CUX2: variants seen among roughly 807,000 people sequenced by gnomAD.
The protein encoded by CUX2 is homeobox protein cut-like 2.
Under a neutral mutation model 144.8 loss-of-function variants are expected in CUX2, and 40 were observed. That is an observed-to-expected ratio of 0.28 (90% CI 0.21 to 0.36). The LOEUF is 0.36. CUX2 is among the 10% of genes least tolerant of loss of function. The pLI, the probability that CUX2 is intolerant of heterozygous loss-of-function variation, is 1.00. For synonymous variants in CUX2, 827 were observed against 875.6 expected, an observed-to-expected ratio of 0.94 and a Z score of 0.98; for missense variants, 1,615 against 1,994.0, an observed-to-expected ratio of 0.81 and a Z score of 3.62.
rs115691516 is a variant in CUX2 at position 111,072,788 on chromosome 12, C to A, written c.63+38548C>A. Among the ~76,000 whole-genome samples, 1,073 of 152,344 alleles carry A rather than the reference C, an allele frequency of 7.0e-3. 14 individuals are homozygous for A. Among genetic ancestry groups the A allele is most frequent in the African/African-American group, 0.024 (1,006 of 41,586 alleles). On this transcript the variant is annotated intron_variant, in intron 1 of 21. Coordinates refer to ENST00000261726, the MANE Select transcript of CUX2 (RefSeq NM_015267.4). ...CCCAGCCCCATCAAGGCAGGGAGCC[C>A]TTTGAGGGCAGGGACCCCTCCCCCA...
chr12:111,090,663 G>T (rs1333622648), intron 1 of CUX2, among the ~76,000 whole-genome samples: 1 of 152,022 alleles, frequency 6.6e-6, no homozygotes, highest in African/African-American at 2.4e-5. Flanking sequence ...AGGGTCAAAT[G>T]ATATCCTCCC....
intron 1 of CUX2, among the ~76,000 whole-genome samples, chr12:111,089,264 T>C (rs1872420548): frequency 6.6e-6 from 1 of 152,244 alleles, no homozygotes; most frequent in Non-Finnish European, 1.5e-5. Flanking sequence ...GATTGAGTCT[T>C]GGCTCTGTAG....
chr12:111,265,427 C>T lies in CUX2; in HGVS notation c.301+1588C>T, dbSNP rs570208068. ...CGCGATCTCAGCTCACTGCAACCTC[C>T]GCCTCCCGGGTTCAAGCAATTCTCC... is the stretch of plus-strand genomic sequence containing the variant. On this transcript the variant is annotated intron_variant, in intron 4 of 21. Coordinates refer to ENST00000261726, the MANE Select transcript of CUX2 (RefSeq NM_015267.4). Among the ~76,000 whole-genome samples the T allele has an allele frequency of 2.0e-3, 306 of 151,750 alleles. 3 individuals carry two copies. Among genetic ancestry groups the T allele is most frequent in the African/African-American group, 7.1e-3 (292 of 41,358 alleles).
intron 1 of CUX2, among the ~76,000 whole-genome samples, chr12:111,044,858 G>A (rs373899263): frequency 5.3e-5 from 8 of 152,276 alleles, no homozygotes; most frequent in African/African-American, 1.4e-4. Context: ...ATTGGGCACC[G>A]GCCTCAGGCC....
At chr12:111,067,621 G>A (rs543570635) in intron 1 of CUX2, among the ~76,000 whole-genome samples, 1 of 152,338 alleles carries the variant, frequency 6.6e-6, no homozygotes, top group East Asian at 1.9e-4. Context: ...CCCATGGAAG[G>A]TTCCGGGAAC....
At chr12:111,069,916 AGAT>A (rs1270472318) in intron 1 of CUX2, among the ~76,000 whole-genome samples, 1 of 152,138 alleles carries the variant, frequency 6.6e-6, no homozygotes, top group Non-Finnish European at 1.5e-5. Flanking sequence ...GTGTGCTTCT[AGAT>A]GATACCTGTG....
chr12:111,231,254 A>G (rs931040643), intron 3 of CUX2, among the ~76,000 whole-genome samples: 2 of 151,408 alleles, frequency 1.3e-5, no homozygotes, highest in Non-Finnish European at 2.9e-5. Flanking sequence ...TTCTGTCCCT[A>G]TGCATTTGAC....
chr12:111,072,572 A>T (rs76151074), intron 1 of CUX2, among the ~76,000 whole-genome samples: 3,850 of 152,342 alleles, frequency 0.025, 161 homozygotes, highest in African/African-American at 0.087. Flanking sequence ...ATGGTGGATC[A>T]GGCTCTGAGT....
intron 1 of CUX2, among the ~76,000 whole-genome samples, chr12:111,042,741 C>T (rs1869811008): frequency 6.6e-6 from 1 of 151,678 alleles, no homozygotes; most frequent in Admixed American, 6.5e-5. Flanking sequence ...AGATGATCCT[C>T]CCATCTCAGC....
At chr12:111,055,220 T>C (rs1185815563) in intron 1 of CUX2, among the ~76,000 whole-genome samples, 2 of 152,236 alleles carry the variant, frequency 1.3e-5, no homozygotes, top group African/African-American at 4.8e-5. Flanking sequence ...TGGACCATGT[T>C]GTCTGGCAGG....
At chr12:111,067,335 G>A (rs150998972) in intron 1 of CUX2, among the ~76,000 whole-genome samples, 57 of 152,292 alleles carry the variant, frequency 3.7e-4, no homozygotes, top group African/African-American at 1.2e-3. Context: ...TAGCTGAGAC[G>A]TGGGAAGGAA....
intron 3 of CUX2, among the ~76,000 whole-genome samples, chr12:111,220,956 A>AGG (rs1389429114): frequency 4.0e-5 from 6 of 149,994 alleles, no homozygotes; most frequent in African/African-American, 1.5e-4. Context: ...AAAAAAAAAA[A>AGG]AAAAAGGAAA....
intron 3 of CUX2, among the ~76,000 whole-genome samples, chr12:111,248,964 T>C (rs899302885): frequency 4.6e-5 from 7 of 152,264 alleles, no homozygotes; most frequent in Non-Finnish European, 1.0e-4. Flanking sequence ...TTGATGAATT[T>C]TGACAGCTCA....
rs1295475797 is a variant in CUX2 at position 111,348,296 on chromosome 12, C to T, written c.4432C>T (p.Arg1478Trp). Residue 1478 changes from arginine to tryptophan, a missense_variant, in exon 22 of 22, where the codon CGG becomes TGG. Physicochemically the swap from Arg to Trp is moderately radical, Grantham distance 101 (BLOSUM62 -3). Coordinates refer to ENST00000261726, the MANE Select transcript of CUX2 (RefSeq NM_015267.4). ...TTACCGAGTAGAGCGGGCTGCCAAT[C>T]GGGAGGAGGCCCTGGAGTGGGAGTT... ...IIYRVERAAN[R>W]EEALEWEF is the part of the protein sequence containing the mutation. 4 of 1,612,514 alleles carry T rather than the reference C, an allele frequency of 2.5e-6. No individual in the cohort carries two copies. Among genetic ancestry groups the T allele is most frequent in the Non-Finnish European group, 3.4e-6 (4 of 1,179,460 alleles).
chr12:111,123,826 G>T (rs991694377), intron 1 of CUX2, among the ~76,000 whole-genome samples: 1 of 152,058 alleles, frequency 6.6e-6, no homozygotes, highest in Non-Finnish European at 1.5e-5. Flanking sequence ...GTGAGCCACC[G>T]CGCCCAGACA....
intron 1 of CUX2, among the ~76,000 whole-genome samples, chr12:111,193,179 G>A (rs1401515474): frequency 6.6e-6 from 1 of 152,172 alleles, no homozygotes; most frequent in African/African-American, 2.4e-5. Context: ...AGGAAAGAGC[G>A]ACACAGGAGT....
intron 1 of CUX2, among the ~76,000 whole-genome samples, chr12:111,191,069 C>T (rs1453400952): frequency 6.6e-6 from 1 of 152,162 alleles, no homozygotes; most frequent in African/African-American, 2.4e-5. Context: ...GCCTCCAAAG[C>T]CCCTCTGCAG....
chr12:111,305,421 T>G (rs1390143248), intron 10 of CUX2, among the ~76,000 whole-genome samples: 1 of 152,202 alleles, frequency 6.6e-6, no homozygotes, highest in Non-Finnish European at 1.5e-5. Context: ...TATGAATGTG[T>G]TACTGTGTAT....
chr12:111,154,794 C>CA (rs1217379575), intron 1 of CUX2, among the ~76,000 whole-genome samples: 1 of 152,082 alleles, frequency 6.6e-6, no homozygotes, highest in Non-Finnish European at 1.5e-5. Context: ...AGTGGTAGGA[C>CA]AAAAGTCTCC....
Sources: gnomAD v4.1 joint callset for allele counts (sites outside exome capture counted in the v4.1 genomes callset) on GRCh38, gnomAD v4.1.1 for gene constraint, MANE v1.5 for transcripts, NCBI Gene and HGNC (gene_info 2026-07-23, HGNC 2026-07-21) for gene names.